CPLX1: variants seen among roughly 807,000 people sequenced by gnomAD.
CPLX1 encodes complexin 1, also known as complexin-1.
Under a neutral mutation model 15.6 loss-of-function variants are expected in CPLX1, and 6 were observed. The observed-to-expected ratio is 0.39, with a 90% CI of 0.21 to 0.76. The LOEUF (loss-of-function observed/expected upper bound fraction) is 0.76, where lower values mean the gene tolerates loss of function less well. Ranked by LOEUF, CPLX1 falls within the 30% of genes least tolerant of loss-of-function variation. CPLX1 has a pLI of 0.43. For missense variants in CPLX1, 242 were observed against 188.6 expected, an observed-to-expected ratio of 1.28 and a Z score of -1.66; for synonymous variants, 91 against 75.2, an observed-to-expected ratio of 1.21 and a Z score of -1.08.
intron 2 of CPLX1, among the ~76,000 whole-genome samples, chr4:808,463 C>T (rs1746597939): frequency 6.6e-6 from 1 of 152,052 alleles, no homozygotes. Context: ...GCATACACAG[C>T]AAAAAACACC....
chr4:814,332 C>T (rs189450539), intron 2 of CPLX1, among the ~76,000 whole-genome samples: 2 of 152,294 alleles, frequency 1.3e-5, no homozygotes, highest in African/African-American at 4.8e-5. Flanking sequence ...CCTGCCTCAC[C>T]CTCCTGAGCA....
chr4:824,695 G>T, intron 1 of CPLX1, 94 bp from the exon 2 acceptor site: 2 of 751,620 alleles, frequency 2.7e-6, no homozygotes, highest in Non-Finnish European at 4.7e-6. Context: ...ATACCTTGTG[G>T]GCTGGACCCT....
intron 2 of CPLX1, among the ~76,000 whole-genome samples, chr4:809,318 G>C (rs1746617175): frequency 6.6e-6 from 1 of 152,232 alleles, no homozygotes; most frequent in Non-Finnish European, 1.5e-5. Context: ...CACGGGGTGG[G>C]GCCCGGCCAA....
rs748963392 is a variant in CPLX1 at position 824,574 on chromosome 4, C to T, written c.-52G>A. On this transcript the variant is annotated 5_prime_UTR_variant, in exon 2 of 4. Coordinates refer to ENST00000304062, the MANE Select transcript of CPLX1 (RefSeq NM_006651.4). ...TCCTCCAGGGGTCAGAACTCACACG[C>T]AAGTATGGCCGGGAGCGAGTGTTCT... 1 of 1,594,372 alleles carries T rather than the reference C, an allele frequency of 6.3e-7. No homozygotes were observed. Among genetic ancestry groups the T allele is most frequent in the Non-Finnish European group, 8.6e-7 (1 of 1,163,058 alleles).
At chr4:818,712 G>A (rs1312396195) in intron 2 of CPLX1, among the ~76,000 whole-genome samples, 2 of 152,270 alleles carry the variant, frequency 1.3e-5, no homozygotes, top group Admixed American at 6.5e-5. Context: ...ATCTGCCGCC[G>A]AGCTTGGCAC....
chr4:787,663 C>T (rs1746041786), intron 3 of CPLX1: 1 of 983,996 alleles, frequency 1.0e-6, no homozygotes, highest in Non-Finnish European at 1.2e-6. Flanking sequence ...GGCCCTCCCC[C>T]AGAGCCTCCA....
In CPLX1 at chr4:824,617, G is replaced by GT. The variant is rs1560249001; in HGVS notation, c.-79-17dup. On this transcript the variant is annotated splice_polypyrimidine_tract_variant and intron_variant, in intron 1 of 3. Transcript: ENST00000304062. ...AGTGTTCTTCCTGGGGGAGAGTGAAGTGGTCACAGGTCACCCTAAGCAGGC... is the reference window on the plus strand; with the variant it reads ...AGTGTTCTTCCTGGGGGAGAGTGAAGTTGGTCACAGGTCACCCTAAGCAGGC... 1 of 1,341,938 alleles carries GT rather than the reference G, an allele frequency of 7.5e-7. No homozygotes were observed. The highest frequency in any genetic ancestry group is 2.3e-5 in the East Asian group (1 of 43,594). The allele number at this position is 1,341,938 out of a possible 1,614,324, so 83.1% of individuals were successfully genotyped here.
intron 2 of CPLX1, among the ~76,000 whole-genome samples, chr4:801,181 G>A (rs1215490923): frequency 6.7e-6 from 1 of 150,240 alleles, no homozygotes; most frequent in Non-Finnish European, 1.5e-5. Context: ...AATTAGGCAG[G>A]CGTGGTGGCA....
chr4:805,518 C>T (rs1386891420), intron 2 of CPLX1, among the ~76,000 whole-genome samples: 1 of 152,182 alleles, frequency 6.6e-6, no homozygotes, highest in Non-Finnish European at 1.5e-5. Flanking sequence ...TGAGAAACAG[C>T]ACAGCTGCTG....
chr4:794,266 G>C (rs1268984893), intron 2 of CPLX1, among the ~76,000 whole-genome samples: 2 of 152,238 alleles, frequency 1.3e-5, no homozygotes, highest in East Asian at 3.8e-4. Flanking sequence ...GACTGCACCT[G>C]TTTCCCTGCC....
chr4:811,545 CTTTA>C (rs1746665804), intron 2 of CPLX1, among the ~76,000 whole-genome samples: 1 of 152,168 alleles, frequency 6.6e-6, no homozygotes, highest in Non-Finnish European at 1.5e-5. Flanking sequence ...ACCTTTCTGT[CTTTA>C]TTTCTCATTG....
In CPLX1 at chr4:786,704, G is replaced by C; in HGVS notation, c.208-6C>G. The C allele has an allele frequency of 2.5e-6, 4 of 1,588,096 alleles. 1 individual carries two copies. Among genetic ancestry groups the C allele is most frequent in the South Asian group, 2.3e-5 (2 of 88,404 alleles). On this transcript the variant is annotated splice_polypyrimidine_tract_variant and splice_region_variant and intron_variant, in intron 3 of 3. Transcript: ENST00000304062. Reference sequence around the variant, plus strand: ...TCCTTCTTCTTGATGCCGTACTGCGGGGGAGGCGGGGGTCAGGGCGGGGGT... The same window carrying C: ...TCCTTCTTCTTGATGCCGTACTGCGCGGGAGGCGGGGGTCAGGGCGGGGGT...
At chr4:809,325 C>T (rs1391425150) in intron 2 of CPLX1, among the ~76,000 whole-genome samples, 1 of 152,240 alleles carries the variant, frequency 6.6e-6, no homozygotes, top group Non-Finnish European at 1.5e-5. Context: ...TGGGGCCCGG[C>T]CAAAGCTTCT....
chr4:822,876 C>T (rs1355408432), intron 2 of CPLX1, among the ~76,000 whole-genome samples: 2 of 151,278 alleles, frequency 1.3e-5, no homozygotes, highest in Non-Finnish European at 2.9e-5. Context: ...CGAGCCTCAA[C>T]GTGCTCTGCA....
intron 2 of CPLX1, among the ~76,000 whole-genome samples, chr4:804,402 G>T (rs1042594704): frequency 6.6e-6 from 1 of 152,140 alleles, no homozygotes; most frequent in East Asian, 1.9e-4. Flanking sequence ...CTAGAAACAG[G>T]AACAGGAATG....
rs547733991 is a variant in CPLX1, at chr4:793,310, G to A, written c.32-702C>T. Reference sequence around the variant, plus strand: ...AGGGGCCCTGCTGGGGCAGGAGCTGGCATGGGGGTTGGCAGGGGCCCTGCT... The same window carrying A: ...AGGGGCCCTGCTGGGGCAGGAGCTGACATGGGGGTTGGCAGGGGCCCTGCT... On this transcript the variant is annotated intron_variant, in intron 2 of 3. Coordinates refer to ENST00000304062, the MANE Select transcript of CPLX1 (RefSeq NM_006651.4). 3.3e-5 allele frequency among the ~76,000 whole-genome samples: 5 copies of A among 151,718 alleles called. No individual in the cohort carries two copies. The South Asian group carries it at 6.2e-4, about 19-fold the overall frequency.
intron 3 of CPLX1, chr4:787,202 C>G (rs981145279): frequency 4.1e-6 from 4 of 985,380 alleles, no homozygotes; most frequent in Middle Eastern, 5.2e-4. Context: ...AGGGCCACTC[C>G]CTGGCAGGCC....
chr4:791,861 C>T lies in CPLX1; in HGVS notation c.207+572G>A, dbSNP rs551812671. Among the ~76,000 whole-genome samples, 361 of 152,328 alleles carry T rather than the reference C, an allele frequency of 2.4e-3. 2 individuals are homozygous for T. Among genetic ancestry groups the T allele is most frequent in the Non-Finnish European group, 4.0e-3 (273 of 68,016 alleles). ...TCCTCCAGGCTGATGTCTGTGCCCA[C>T]CCGGCTTCCAGCCAGGGCCGTGCTG... On this transcript the variant is annotated intron_variant, in intron 3 of 3. Coordinates refer to ENST00000304062, the MANE Select transcript of CPLX1 (RefSeq NM_006651.4).
intron 2 of CPLX1, among the ~76,000 whole-genome samples, chr4:813,108 T>C (rs1746692479): frequency 6.7e-6 from 1 of 150,310 alleles, no homozygotes. Context: ...CTACTAAAAA[T>C]GCAAAAATTA....
Sources: allele counts gnomAD v4.1 joint callset (sites outside exome capture counted in the v4.1 genomes callset), GRCh38; gene constraint gnomAD v4.1.1; transcripts MANE v1.5; gene names NCBI Gene and HGNC (gene_info 2026-07-23, HGNC 2026-07-21).